Variants in DTNA observed in about 807,000 individuals in gnomAD.
The protein encoded by DTNA is dystrobrevin alpha.
DTNA carries 43 observed loss-of-function variants against 100.7 expected under a neutral mutation model. That is an observed-to-expected ratio of 0.43 (90% CI 0.33 to 0.55). The LOEUF is 0.55. DTNA is among the 20% of genes least tolerant of loss of function. The probability of loss-of-function intolerance (pLI) is 0.04; values close to 1 mark genes in which losing one functional copy is unlikely to be tolerated. For missense variants in DTNA, 798 were observed against 953.9 expected (o/e 0.84, Z 2.15); for synonymous variants, 349 against 347.9 (o/e 1.00, Z -0.04).
intron 3 of DTNA, among the ~76,000 whole-genome samples, chr18:34,791,923 C>A (rs1305484542): frequency 1.3e-5 from 2 of 152,216 alleles, no homozygotes; most frequent in Non-Finnish European, 2.9e-5. Flanking sequence ...AGGTCATGCA[C>A]TTGTCGTAGA....
chr18:34,769,696 G>C (rs57189065), intron 3 of DTNA, among the ~76,000 whole-genome samples: 16,255 of 147,318 alleles, frequency 0.11, 1,077 homozygotes, highest in South Asian at 0.15. Context: ...GTCCTCTCAT[G>C]GTGGAAGAAG....
intron 18 of DTNA, among the ~76,000 whole-genome samples, chr18:34,876,621 A>C (rs2096821409): frequency 6.6e-6 from 1 of 152,218 alleles, no homozygotes; most frequent in Non-Finnish European, 1.5e-5. Flanking sequence ...GAAACATCAT[A>C]ATATCCAGGG....
chr18:34,567,961 C>T (rs1385425783), intron 1 of DTNA, among the ~76,000 whole-genome samples: 1 of 151,936 alleles, frequency 6.6e-6, no homozygotes, highest in Non-Finnish European at 1.5e-5. Context: ...TATTTTCCTG[C>T]ATGTTGCAAT....
At chr18:34,839,081 TA>T (rs2149724308) in intron 13 of DTNA, among the ~76,000 whole-genome samples, 1 of 152,324 alleles carries the variant, frequency 6.6e-6, no homozygotes, top group South Asian at 2.1e-4. Context: ...GATGCCTTGC[TA>T]AATATTAGCC....
rs1435640296 is a variant in DTNA, at chr18:34,534,641, C to T, written c.-2+41127C>T. On this transcript the variant is annotated intron_variant, in intron 1 of 19. Transcript: ENST00000283365. Reference sequence around the variant, plus strand: ...TATTTGTCCTAATGCTCTCCCTCCTCTTCCCTCCAACCCCCCTACAGGCTC... The same window carrying T: ...TATTTGTCCTAATGCTCTCCCTCCTTTTCCCTCCAACCCCCCTACAGGCTC... 7.9e-5 allele frequency among the ~76,000 whole-genome samples: 12 copies of T among 152,024 alleles called. No individual in the cohort carries two copies. In the East Asian group the frequency reaches 2.3e-3, roughly 30 times the overall value.
chr18:34,704,574 C>T (rs901730473), intron 1 of DTNA, among the ~76,000 whole-genome samples: 1 of 152,072 alleles, frequency 6.6e-6, no homozygotes, highest in Non-Finnish European at 1.5e-5. Context: ...GGTCATATTC[C>T]TTCTCATATA....
chr18:34,580,340 A>G (rs2048497072), intron 1 of DTNA, among the ~76,000 whole-genome samples: 1 of 151,964 alleles, frequency 6.6e-6, no homozygotes, highest in Non-Finnish European at 1.5e-5. Context: ...TTTTTATTTC[A>G]TAGTCACATT....
At chr18:34,874,003 G>A (rs1202365493) in intron 17 of DTNA, among the ~76,000 whole-genome samples, 3 of 152,154 alleles carry the variant, frequency 2.0e-5, no homozygotes, top group African/African-American at 7.2e-5. Flanking sequence ...TCTGTGCTCT[G>A]TTCTGTTTTG....
intron 1 of DTNA, among the ~76,000 whole-genome samples, chr18:34,742,919 C>T (rs1334511883): frequency 6.6e-6 from 1 of 152,078 alleles, no homozygotes; most frequent in Non-Finnish European, 1.5e-5. Context: ...CTCTGCCTCA[C>T]CGGGACAATG....
chr18:34,684,599 A>AATAAAC (rs1304169371), intron 1 of DTNA, among the ~76,000 whole-genome samples: 4 of 152,198 alleles, frequency 2.6e-5, no homozygotes, highest in African/African-American at 9.6e-5. Flanking sequence ...ATAGTGCTGC[A>AATAAAC]ATAAACATAC....
At chr18:34,799,858 A>C (rs917134256) in intron 4 of DTNA, among the ~76,000 whole-genome samples, 1 of 152,192 alleles carries the variant, frequency 6.6e-6, no homozygotes, top group Non-Finnish European at 1.5e-5. Flanking sequence ...GCATTCCAAC[A>C]GTATTGACCC....
chr18:34,510,093 G>GTGTGTGT (rs71159875), intron 1 of DTNA, among the ~76,000 whole-genome samples: 2 of 148,406 alleles, frequency 1.3e-5, no homozygotes, highest in South Asian at 2.1e-4. Context: ...GTGTGTGTGT[G>GTGTGTGT]GTTTTTTTGG....
At chr18:34,643,873 A>G (rs925818641) in intron 1 of DTNA, among the ~76,000 whole-genome samples, 1 of 152,198 alleles carries the variant, frequency 6.6e-6, no homozygotes. Context: ...ATTAAGCATC[A>G]TCTTTTATAC....
chr18:34,854,943 C>G (rs905275558), intron 15 of DTNA, among the ~76,000 whole-genome samples: 1 of 152,100 alleles, frequency 6.6e-6, no homozygotes, highest in African/African-American at 2.4e-5. Flanking sequence ...TATTATCATC[C>G]CCATTCTACA....
At chr18:34,562,451 C>T (rs2046723480) in intron 1 of DTNA, among the ~76,000 whole-genome samples, 1 of 152,182 alleles carries the variant, frequency 6.6e-6, no homozygotes, top group Admixed American at 6.5e-5. Context: ...TCTTAGACTT[C>T]GTCCTCAGTC....
At position 34,719,618 on chromosome 18, in the gene DTNA, A is replaced by G. The variant is rs549394468; in HGVS notation, c.-2+9173A>G. On this transcript the variant is annotated intron_variant, in intron 1 of 22. Coordinates refer to ENST00000444659, the MANE Select transcript of DTNA (RefSeq NM_001386795.1). ...AACGTGCTCACAAAGTGCCTGACATATAGTAAACCTGCAAAAATGTTAGCA... is the reference window on the plus strand; with the variant it reads ...AACGTGCTCACAAAGTGCCTGACATGTAGTAAACCTGCAAAAATGTTAGCA... Among the ~76,000 whole-genome samples the G allele has an allele frequency of 6.6e-5, 10 of 152,300 alleles. No homozygotes were observed. The South Asian group carries it at 1.7e-3, about 25-fold the overall frequency.
chr18:34,758,296 GA>G, intron 2 of DTNA, among the ~76,000 whole-genome samples: 1 of 152,230 alleles, frequency 6.6e-6, no homozygotes, highest in East Asian at 1.9e-4. Context: ...GTATTATATA[GA>G]AATATTTAAA....
intron 15 of DTNA, among the ~76,000 whole-genome samples, chr18:34,854,919 G>T (rs1011458490): frequency 6.6e-6 from 1 of 152,146 alleles, no homozygotes; most frequent in Non-Finnish European, 1.5e-5. Flanking sequence ...ACTATTTAAG[G>T]TAGGCAGGGT....
intron 3 of DTNA, among the ~76,000 whole-genome samples, chr18:34,793,744 C>T (rs1009296537): frequency 6.6e-6 from 1 of 152,124 alleles, no homozygotes; most frequent in South Asian, 2.1e-4. Flanking sequence ...GTTTCCAGAT[C>T]CTCAGTTATC....
Sources: gnomAD v4.1 joint callset for allele counts (sites outside exome capture counted in the v4.1 genomes callset) on GRCh38, gnomAD v4.1.1 for gene constraint, MANE v1.5 for transcripts, NCBI Gene and HGNC (gene_info 2026-07-23, HGNC 2026-07-21) for gene names.